Variants in ADAMTSL3 observed in about 807,000 individuals in gnomAD.
The protein encoded by ADAMTSL3 is ADAMTS-like protein 3.
In ADAMTSL3, 128 loss-of-function variants were observed where a neutral mutation model predicts 201.7. The ratio of observed to expected loss-of-function variants is 0.63; its 90% CI spans 0.55 to 0.73. The LOEUF is 0.73. Among genes scored for constraint, ADAMTSL3 ranks in the 30% least tolerant of loss-of-function variants. The pLI is 0.00. For missense variants in ADAMTSL3, 1,990 were observed against 2,119.6 expected (o/e 0.94, Z 1.20); for synonymous variants, 738 against 748.4 (o/e 0.99, Z 0.23).
intron 4 of ADAMTSL3, among the ~76,000 whole-genome samples, chr15:83,781,960 C>T (rs148861468): frequency 3.9e-5 from 6 of 152,272 alleles, no homozygotes; most frequent in South Asian, 2.1e-4. Flanking sequence ...AACATTTATA[C>T]GCTGTTGGTG....
chr15:83,688,231 A>G (rs928365527), intron 2 of ADAMTSL3, among the ~76,000 whole-genome samples: 3 of 152,250 alleles, frequency 2.0e-5, no homozygotes, highest in African/African-American at 4.8e-5. Context: ...CTTAATCTGT[A>G]AAATTTCTAA....
At chr15:83,944,540 A>G (rs1232243262) in intron 19 of ADAMTSL3, among the ~76,000 whole-genome samples, 1 of 152,190 alleles carries the variant, frequency 6.6e-6, no homozygotes, top group Non-Finnish European at 1.5e-5. Flanking sequence ...CTCCTCTCAT[A>G]TCATCCTACG....
intron 7 of ADAMTSL3, among the ~76,000 whole-genome samples, chr15:83,838,500 TTTTA>T (rs2064319662): frequency 2.0e-5 from 3 of 152,246 alleles, no homozygotes; most frequent in Non-Finnish European, 2.9e-5. Context: ...TAGTAATTTC[TTTTA>T]TTTGTCTTCC....
At chr15:83,936,572 C>T (rs1567248115) in intron 17 of ADAMTSL3, among the ~76,000 whole-genome samples, 1 of 150,724 alleles carries the variant, frequency 6.6e-6, no homozygotes, top group African/African-American at 2.5e-5. Context: ...TGGAAGATAA[C>T]CTAGGAAATA....
chr15:83,952,892 G>A lies in ADAMTSL3; in HGVS notation c.2490+9810G>A, dbSNP rs145705185. Among the ~76,000 whole-genome samples, 246 of 151,636 alleles carry A rather than the reference G, an allele frequency of 1.6e-3. 1 individual carries two copies. The highest frequency in any genetic ancestry group is 3.0e-3 in the Admixed American group (45 of 15,228). ...AATTAAACAATGACATTCTTTGCCT[G>A]TTCTTACAGTTTTTGCCTTGAAATC... On this transcript the variant is annotated intron_variant, in intron 19 of 29. Transcript: ENST00000286744.
At chr15:83,694,323 C>G (rs1300786128) in intron 2 of ADAMTSL3, 1 of 152,186 alleles carries the variant, frequency 6.6e-6, no homozygotes, top group African/African-American at 2.4e-5. Flanking sequence ...ACGGTGTCAC[C>G]CCTCACCGAG....
chr15:83,853,256 C>T (rs1354354301), intron 7 of ADAMTSL3, among the ~76,000 whole-genome samples: 1 of 152,072 alleles, frequency 6.6e-6, no homozygotes, highest in Non-Finnish European at 1.5e-5. Context: ...AATGATTATT[C>T]TTGGTATTTC....
chr15:83,791,648 G>A (rs2063346591), intron 4 of ADAMTSL3, among the ~76,000 whole-genome samples: 1 of 152,132 alleles, frequency 6.6e-6, no homozygotes, highest in African/African-American at 2.4e-5. Context: ...CACGAGGTCA[G>A]GAGATCGAGA....
At position 83,982,403 on chromosome 15, in the gene ADAMTSL3, G is replaced by A. The variant is rs1443877487; in HGVS notation, c.2775G>A (p.Leu925=). ...NLTIGSRAYL[L]PNTSVIIKCP... ...CCATTGGTAGCAGAGCCTATTTGCT[G>A]CCCAACACATCCGTGATTATTAAGT... The change falls in exon 21 of 30, where the codon CTG becomes CTA. Residue 925 remains leucine (L), a synonymous_variant. Transcript: ENST00000286744. 6.2e-7 allele frequency: 1 copy of A among 1,613,992 alleles called. No homozygotes were observed. Among genetic ancestry groups the A allele is most frequent in the East Asian group, 2.2e-5 (1 of 44,896 alleles).
At chr15:83,817,432 T>C (rs1316512627) in intron 5 of ADAMTSL3, among the ~76,000 whole-genome samples, 1 of 152,198 alleles carries the variant, frequency 6.6e-6, no homozygotes, top group Non-Finnish European at 1.5e-5. Flanking sequence ...TAAGTATTTA[T>C]CTGTTCTCAG....
At chr15:83,797,952 A>G (rs1270573750) in intron 4 of ADAMTSL3, among the ~76,000 whole-genome samples, 1 of 152,348 alleles carries the variant, frequency 6.6e-6, no homozygotes, top group East Asian at 1.9e-4. Flanking sequence ...TTTCATCAAC[A>G]TTTAGGAAAA....
In ADAMTSL3 at chr15:83,739,468, A is replaced by G. The variant is rs148013374; in HGVS notation, c.190-34055A>G. Among the ~76,000 whole-genome samples the G allele has an allele frequency of 4.7e-3, 712 of 151,010 alleles. 10 individuals are homozygous for G. Among genetic ancestry groups the G allele is most frequent in the African/African-American group, 0.017 (685 of 41,142 alleles). The stretch of plus-strand genomic sequence containing the variant: ...TTGTTTTATTCACAAAATAATTTAA[A>G]ATAGTGTAAAAAATTACATTCAGCC... On this transcript the variant is annotated intron_variant, in intron 3 of 29. Transcript: ENST00000286744.
At chr15:84,035,893 GT>G (rs938395905) in intron 28 of ADAMTSL3, among the ~76,000 whole-genome samples, 14 of 152,032 alleles carry the variant, frequency 9.2e-5, no homozygotes, top group African/African-American at 3.4e-4. Flanking sequence ...ATGAAAACTG[GT>G]TTTTTTCTAT....
rs35255014 is a variant in ADAMTSL3, at chr15:83,667,517, G to GTT, written c.69+11706_69+11707dup. Among the ~76,000 whole-genome samples the GTT allele has an allele frequency of 6.6e-3, 800 of 120,328 alleles. 11 individuals carry two copies. Among genetic ancestry groups the GTT allele is most frequent in the African/African-American group, 0.013 (409 of 31,762 alleles). The allele number at this position is 120,328 out of a possible 152,430, so 78.9% of individuals were successfully genotyped here. On this transcript the variant is annotated intron_variant, in intron 2 of 29. Transcript: ENST00000286744. ...CAGCTTCCAAACACAAATTATGAAG[G>GTT]TTTTTTTTTTTTTTTTTTTTGAGTA...
chr15:83,810,571 C>G (rs1359302654), intron 5 of ADAMTSL3, among the ~76,000 whole-genome samples: 1 of 152,192 alleles, frequency 6.6e-6, no homozygotes, highest in Non-Finnish European at 1.5e-5. Flanking sequence ...ACAGGTCCTA[C>G]TGGGCTAAAA....
At chr15:83,968,558 TTGG>T (rs1426956739) in intron 19 of ADAMTSL3, among the ~76,000 whole-genome samples, 2 of 152,336 alleles carry the variant, frequency 1.3e-5, no homozygotes, top group African/African-American at 4.8e-5. Flanking sequence ...TTTTACACTG[TTGG>T]TGGGAGTGTA....
Position 83,870,826 on chromosome 15 carries a change from G to A in ADAMTSL3, c.827G>A (p.Gly276Glu), listed in dbSNP as rs1393946322. ...HLFIESKTLQ[G>E]SKGEHSFNSP... ...GTTATTGAATCAAAAACACTTCAAG[G>A]AAGCAAAGGAGAACACAGCTTTAAC... The change falls in exon 9 of 30, where the codon GGA becomes GAA. Residue 276 changes from glycine (G) to glutamate (E), a missense_variant. Coordinates refer to ENST00000286744, the MANE Select transcript of ADAMTSL3 (RefSeq NM_207517.3). 6.3e-7 allele frequency: 1 copy of A among 1,597,230 alleles called. No homozygotes were observed. Among genetic ancestry groups the A allele is most frequent in the Admixed American group, 1.8e-5 (1 of 55,024 alleles).
rs751834654 is a variant in ADAMTSL3, at chr15:84,016,492, G to C, written c.4266G>C (p.Pro1422=). ...TNSNDPTGEP[P]PQEPFWEPGN... ...GCAATGACCCAACAGGAGAACCCCC[G>C]CCTCAAGGTCTGGGATTTTGACCTT... Residue 1422 remains proline, a synonymous_variant, in exon 25 of 30, where the codon CCG becomes CCC. Transcript: ENST00000286744. 1.2e-6 allele frequency: 2 copies of C among 1,613,298 alleles called. No homozygotes were observed. Among genetic ancestry groups the C allele is most frequent in the South Asian group, 1.1e-5 (1 of 91,014 alleles).
intron 10 of ADAMTSL3, among the ~76,000 whole-genome samples, chr15:83,889,260 G>C (rs1031365558): frequency 5.9e-5 from 9 of 152,284 alleles, no homozygotes; most frequent in African/African-American, 2.2e-4. Flanking sequence ...GATGGATTTT[G>C]TTCCTTTCTG....
Sources: allele counts gnomAD v4.1 joint callset (sites outside exome capture counted in the v4.1 genomes callset), GRCh38; gene constraint gnomAD v4.1.1; transcripts MANE v1.5; gene names NCBI Gene and HGNC (gene_info 2026-07-23, HGNC 2026-07-21).